MARCHF8: variants seen among roughly 807,000 people sequenced by gnomAD.
The protein encoded by MARCHF8 is E3 ubiquitin-protein ligase MARCHF8.
MARCHF8 carries 40 observed loss-of-function variants against 51.6 expected under a neutral mutation model. That is an observed-to-expected ratio of 0.77 (90% CI 0.60 to 1.01). The LOEUF (loss-of-function observed/expected upper bound fraction) is 1.01. Ranked by LOEUF, MARCHF8 falls within the 50% of genes least tolerant of loss-of-function variation. The pLI is 0.00. For missense variants in MARCHF8, 685 were observed against 708.6 expected, an observed-to-expected ratio of 0.97 and a Z score of 0.38; for synonymous variants, 263 against 280.3, an observed-to-expected ratio of 0.94 and a Z score of 0.62.
At chr10:45,578,938 T>C (rs1428642790) in intron 1 of MARCHF8, among the ~76,000 whole-genome samples, 4 of 152,150 alleles carry the variant, frequency 2.6e-5, no homozygotes, top group African/African-American at 9.7e-5. Flanking sequence ...TAAAGGAGAC[T>C]AAAGAAATAT....
chr10:45,465,230 T>TA (rs1354539175), intron 3 of MARCHF8, among the ~76,000 whole-genome samples: 1 of 152,078 alleles, frequency 6.6e-6, no homozygotes, highest in Non-Finnish European at 1.5e-5. Context: ...TGCGTATTCA[T>TA]AAAAAAGCAT....
chr10:45,567,989 GAC>G (rs1467563666), intron 1 of MARCHF8, among the ~76,000 whole-genome samples: 1 of 152,052 alleles, frequency 6.6e-6, no homozygotes, highest in Admixed American at 6.5e-5. Context: ...TCATTATAGA[GAC>G]CTTTCATTTA....
At chr10:45,564,778 C>T (rs540182064) in intron 1 of MARCHF8, among the ~76,000 whole-genome samples, 3 of 151,148 alleles carry the variant, frequency 2.0e-5, no homozygotes, top group South Asian at 4.2e-4. Flanking sequence ...AGTAATATGA[C>T]GGCCAGCTGA....
chr10:45,502,994 A>G (rs1239665538), intron 2 of MARCHF8, among the ~76,000 whole-genome samples: 1 of 152,216 alleles, frequency 6.6e-6, no homozygotes, highest in Non-Finnish European at 1.5e-5. Context: ...AGAATGTAAG[A>G]TAACTGTAAC....
chr10:45,463,028 A>G (rs1842843476), intron 5 of MARCHF8, 123 bp downstream of exon 5: 2 of 1,284,338 alleles, frequency 1.6e-6, no homozygotes, highest in African/African-American at 1.5e-5. Flanking sequence ...GGAGAAAACC[A>G]TCAACCCACA....
intron 2 of MARCHF8, among the ~76,000 whole-genome samples, chr10:45,510,580 CTAAGG>C (rs916770783): frequency 1.3e-5 from 2 of 152,036 alleles, no homozygotes; most frequent in African/African-American, 2.4e-5. Context: ...TTTCAACAAA[CTAAGG>C]TAATTTATTT....
chr10:45,542,201 C>T (rs71496616), intron 1 of MARCHF8, among the ~76,000 whole-genome samples: 1,733 of 151,596 alleles, frequency 0.011, 20 homozygotes, highest in Non-Finnish European at 0.014. Context: ...AAAAATTAGC[C>T]GGGGCATGGT....
intron 2 of MARCHF8, among the ~76,000 whole-genome samples, chr10:45,502,998 CTG>C (rs1262257326): frequency 2.6e-5 from 4 of 152,050 alleles, no homozygotes; most frequent in Non-Finnish European, 2.9e-5. Flanking sequence ...TGTAAGATAA[CTG>C]TAACAGAAAG....
chr10:45,572,131 C>G (rs540567265), intron 1 of MARCHF8, among the ~76,000 whole-genome samples: 40 of 149,778 alleles, frequency 2.7e-4, no homozygotes, highest in African/African-American at 9.8e-4. Flanking sequence ...TGTGTCCCCA[C>G]CCCTTCTCCA....
At chr10:45,524,165 G>C (rs1164041779) in intron 2 of MARCHF8, among the ~76,000 whole-genome samples, 2 of 152,156 alleles carry the variant, frequency 1.3e-5, no homozygotes, top group African/African-American at 4.8e-5. Context: ...TTTTATAACA[G>C]CATACTCTTT....
At chr10:45,516,122 C>T (rs2133218536) in intron 2 of MARCHF8, among the ~76,000 whole-genome samples, 1 of 152,290 alleles carries the variant, frequency 6.6e-6, no homozygotes, top group African/African-American at 2.4e-5. Flanking sequence ...CAATGTGTCC[C>T]TTCTTCCACT....
intron 1 of MARCHF8, among the ~76,000 whole-genome samples, chr10:45,556,879 C>T (rs1247627700): frequency 6.6e-6 from 1 of 152,012 alleles, no homozygotes; most frequent in Non-Finnish European, 1.5e-5. Context: ...ATTAAAAAGA[C>T]AAAAAATCCA....
chr10:45,557,783 A>G (rs1261957561), intron 1 of MARCHF8, among the ~76,000 whole-genome samples: 2 of 152,178 alleles, frequency 1.3e-5, no homozygotes, highest in Non-Finnish European at 2.9e-5. Context: ...TGCATTTAAC[A>G]AAGGCTTACC....
At chr10:45,568,231 C>A (rs1009886892) in intron 1 of MARCHF8, among the ~76,000 whole-genome samples, 1 of 152,194 alleles carries the variant, frequency 6.6e-6, no homozygotes, top group Non-Finnish European at 1.5e-5. Context: ...GATAATTTGA[C>A]TTCTTCCTTT....
At chr10:45,498,072 C>T (rs1393670281) in intron 2 of MARCHF8, among the ~76,000 whole-genome samples, 1 of 152,186 alleles carries the variant, frequency 6.6e-6, no homozygotes, top group African/African-American at 2.4e-5. Context: ...TGCTTACTCC[C>T]TAAATTTTAA....
At chr10:45,582,528 G>GA in intron 1 of MARCHF8, among the ~76,000 whole-genome samples, 1 of 152,256 alleles carries the variant, frequency 6.6e-6, no homozygotes, top group Admixed American at 6.5e-5. Flanking sequence ...GAACTGAAAG[G>GA]AATCAGAGAC....
chr10:45,525,947 A>G (rs938442977), intron 2 of MARCHF8, among the ~76,000 whole-genome samples: 2 of 152,234 alleles, frequency 1.3e-5, no homozygotes, highest in African/African-American at 4.8e-5. Flanking sequence ...GTAATATGCT[A>G]CATCCTAGAG....
upstream of MARCHF8, among the ~76,000 whole-genome samples, chr10:45,539,150 C>A (rs1251748760): frequency 5.3e-5 from 8 of 152,156 alleles, no homozygotes; most frequent in Non-Finnish European, 1.0e-4. Flanking sequence ...AACTAGAACT[C>A]AGGATTAAGA....
At chr10:45,493,236 A>T (rs1186737708) in intron 2 of MARCHF8, among the ~76,000 whole-genome samples, 1 of 152,224 alleles carries the variant, frequency 6.6e-6, no homozygotes, top group Admixed American at 6.5e-5. Context: ...AATGTAAAGA[A>T]GTGGAATTAG....
Sources: allele counts gnomAD v4.1 joint callset (sites outside exome capture counted in the v4.1 genomes callset), GRCh38; gene constraint gnomAD v4.1.1; transcripts MANE v1.5; gene names NCBI Gene and HGNC (gene_info 2026-07-23, HGNC 2026-07-21).